Variants in DHRS7B observed in about 807,000 individuals in gnomAD.
DHRS7B encodes the protein dehydrogenase/reductase 7B, also known as peroxisomal reductase activating PPAR-gamma.
A neutral mutation model predicts 26.4 loss-of-function variants in DHRS7B; 24 were observed. The ratio of observed to expected loss-of-function variants is 0.91; its 90% CI spans 0.66 to 1.28. The LOEUF is 1.28. Ranked by LOEUF, DHRS7B falls within the 50% of genes most tolerant of loss-of-function variation. The probability of loss-of-function intolerance (pLI) is 0.00; values close to 1 mark genes in which losing one functional copy is unlikely to be tolerated. For missense variants in DHRS7B, 368 were observed against 419.4 expected, an observed-to-expected ratio of 0.88 and a Z score of 1.07; for synonymous variants, 142 against 166.4, an observed-to-expected ratio of 0.85 and a Z score of 1.13.
At chr17:21,139,288 A>C (rs1241946852) in intron 1 of DHRS7B, among the ~76,000 whole-genome samples, 1 of 152,190 alleles carries the variant, frequency 6.6e-6, no homozygotes, top group Non-Finnish European at 1.5e-5. Context: ...AAAATTACAC[A>C]AGCGAAGATC....
chr17:21,142,935 T>TATGTTTGTTTTGAGGTGG (rs1249705865), intron 1 of DHRS7B, among the ~76,000 whole-genome samples: 2 of 152,190 alleles, frequency 1.3e-5, no homozygotes, highest in Non-Finnish European at 2.9e-5. Context: ...GTTTTGTTTG[T>TATGTTTGTTTTGAGGTGG]ATGTTTGTTT....
At chr17:21,190,774 T>C (rs1974759134) in intron 6 of DHRS7B, among the ~76,000 whole-genome samples, 174 bp from the exon 7 acceptor site, 1 of 152,216 alleles carries the variant, frequency 6.6e-6, no homozygotes, top group East Asian at 1.9e-4. Flanking sequence ...GTTCCCTCTT[T>C]CCTTGGAGCA....
chr17:21,169,804 A>AGT (rs2144109531), intron 1 of DHRS7B, among the ~76,000 whole-genome samples: 1 of 152,184 alleles, frequency 6.6e-6, no homozygotes, highest in East Asian at 1.9e-4. Flanking sequence ...CAACACGCCT[A>AGT]GTGGGGCTCT....
At chr17:21,164,030 C>CTTTTTGTTTTTTTTTTTTTTT (rs1974055506) in intron 1 of DHRS7B, among the ~76,000 whole-genome samples, 2 of 96,976 alleles carry the variant, frequency 2.1e-5, no homozygotes, top group Non-Finnish European at 3.8e-5. Context: ...AATTGTTGTG[C>CTTTTTGTTTTTTTTTTTTTTT]TTTTTTTTTT....
chr17:21,147,635 G>A (rs1483310310), intron 1 of DHRS7B, among the ~76,000 whole-genome samples: 1 of 152,096 alleles, frequency 6.6e-6, no homozygotes, highest in East Asian at 1.9e-4. Flanking sequence ...TTTTTGCACT[G>A]GAAAAAGTAA....
chr17:21,164,848 C>T (rs910782843), intron 1 of DHRS7B, among the ~76,000 whole-genome samples: 3 of 152,210 alleles, frequency 2.0e-5, no homozygotes, highest in African/African-American at 7.2e-5. Flanking sequence ...GAGTGCACGA[C>T]ATCCAGGATC....
At chr17:21,166,193 A>G (rs1010952326) in intron 1 of DHRS7B, 15 of 985,320 alleles carry the variant, frequency 1.5e-5, no homozygotes, top group South Asian at 4.7e-5. Flanking sequence ...GCTCACTTCA[A>G]TGTGGCTGCT....
rs939958622 is a variant in DHRS7B, at chr17:21,169,524, TGC to T, written c.21-2493_21-2492del. On this transcript the variant is annotated intron_variant, in intron 1 of 6. Transcript: ENST00000395511. ...GGGCAGTGAGGCCCCTTTGCCAGGCTGCCAAGTGACTGGGCCAGGGTGTCACC... is the reference window on the plus strand; with the variant it reads ...GGGCAGTGAGGCCCCTTTGCCAGGCTCAAGTGACTGGGCCAGGGTGTCACC... Among the ~76,000 whole-genome samples, 196 of 152,300 alleles carry T rather than the reference TGC, an allele frequency of 1.3e-3. 2 individuals are homozygous for T. Among genetic ancestry groups the T allele is most frequent in the African/African-American group, 4.5e-3 (186 of 41,566 alleles).
chr17:21,168,033 A>G (rs976927808), intron 1 of DHRS7B, among the ~76,000 whole-genome samples: 4 of 152,140 alleles, frequency 2.6e-5, no homozygotes, highest in African/African-American at 4.8e-5. Context: ...AAAGCCCTGG[A>G]CACCACAGCA....
chr17:21,191,237 C>A lies in DHRS7B; in HGVS notation c.*84C>A. On this transcript the variant is annotated 3_prime_UTR_variant, in exon 7 of 7. Coordinates refer to ENST00000395511, the MANE Select transcript of DHRS7B (RefSeq NM_015510.5). ...CAAGGGACAGTTGCATTTGTTGAGA[C>A]TTTAATGGAGATTTGTCTCACAAGT... 1 of 1,377,638 alleles carries A rather than the reference C, an allele frequency of 7.3e-7. No homozygotes were observed. The highest frequency in any genetic ancestry group is 1.0e-6 in the Non-Finnish European group (1 of 984,660). The allele number at this position is 1,377,638 out of a possible 1,614,324, so 85.3% of individuals were successfully genotyped here. A position where few individuals can be genotyped will look rare whatever the true frequency, so the allele number is the denominator to read the frequency against.
At chr17:21,172,335 C>A in intron 2 of DHRS7B, 139 bp downstream of exon 2, 2 of 1,062,954 alleles carry the variant, frequency 1.9e-6, no homozygotes, top group Non-Finnish European at 2.8e-6. Flanking sequence ...GGCCGGATGG[C>A]ACTGTCCTTG....
chr17:21,159,171 C>A (rs1289933777), intron 1 of DHRS7B, among the ~76,000 whole-genome samples: 2 of 151,978 alleles, frequency 1.3e-5, no homozygotes, highest in African/African-American at 4.8e-5. Context: ...TTAAAAACTT[C>A]TAGTCTGAGA....
rs4020775 is a variant in DHRS7B, at chr17:21,140,479, TACACACACACAC to T, written c.20+13537_20+13548del. Among the ~76,000 whole-genome samples, 531 of 83,682 alleles carry T rather than the reference TACACACACACAC, an allele frequency of 6.3e-3. 1 individual carries two copies. Among genetic ancestry groups the T allele is most frequent in the Admixed American group, 0.013 (87 of 6,818 alleles). 54.9% of individuals were successfully genotyped at this position (83,682 alleles called of 152,430 possible). On this transcript the variant is annotated intron_variant, in intron 1 of 6. Transcript: ENST00000395511. ...ATAGAAATTTTAAAGGCCTTTTAAATACACACACACACACACACACACACACACACACACACA... is the reference window on the plus strand; with the variant it reads ...ATAGAAATTTTAAAGGCCTTTTAAATACACACACACACACACACACACACA...
chr17:21,140,538 A>ACACACACACACACACACAC (rs972677956), intron 1 of DHRS7B, among the ~76,000 whole-genome samples: 2 of 134,754 alleles, frequency 1.5e-5, no homozygotes, highest in Non-Finnish European at 3.2e-5. Flanking sequence ...ACACACACAC[A>ACACACACACACACACACAC]CCCTGACACC....
chr17:21,152,295 C>T (rs1442399824), intron 1 of DHRS7B, among the ~76,000 whole-genome samples: 7 of 152,142 alleles, frequency 4.6e-5, no homozygotes, highest in Admixed American at 1.3e-4. Flanking sequence ...CCTGAGACAA[C>T]AGGCACATGC....
chr17:21,148,895 A>G (rs1305121616), intron 1 of DHRS7B, among the ~76,000 whole-genome samples: 1 of 152,232 alleles, frequency 6.6e-6, no homozygotes, highest in African/African-American at 2.4e-5. Flanking sequence ...AGCAAAGGGT[A>G]GAAAGCTTAG....
At chr17:21,162,429 G>GT (rs1296311594) in intron 1 of DHRS7B, among the ~76,000 whole-genome samples, 1 of 152,094 alleles carries the variant, frequency 6.6e-6, no homozygotes, top group African/African-American at 2.4e-5. Context: ...TCTGGGCTCT[G>GT]TTTTTTTCTG....
chr17:21,169,659 G>A (rs936039281), intron 1 of DHRS7B, among the ~76,000 whole-genome samples: 3 of 152,172 alleles, frequency 2.0e-5, no homozygotes, highest in South Asian at 2.1e-4. Context: ...GCGACAGGCT[G>A]CATACTTGGC....
At chr17:21,136,515 GA>G (rs978354552) in intron 1 of DHRS7B, among the ~76,000 whole-genome samples, 5 of 146,378 alleles carry the variant, frequency 3.4e-5, no homozygotes, top group Admixed American at 6.9e-5. Context: ...CGTCTCAAAA[GA>G]AAAAAAAAAG....
Sources: allele counts gnomAD v4.1 joint callset (sites outside exome capture counted in the v4.1 genomes callset), GRCh38; gene constraint gnomAD v4.1.1; transcripts MANE v1.5; gene names NCBI Gene and HGNC (gene_info 2026-07-23, HGNC 2026-07-21).